NAA38: variants seen among roughly 807,000 people sequenced by gnomAD.
The protein encoded by NAA38 is LSM domain containing 1.
In NAA38, 15 loss-of-function variants were observed where a neutral mutation model predicts 12.6. The ratio of observed to expected loss-of-function variants is 1.19; its 90% confidence interval spans 0.79 to 1.83. The LOEUF (loss-of-function observed/expected upper bound fraction) is 1.83. Among genes scored for constraint, NAA38 ranks in the 40% most tolerant of loss-of-function variants. The pLI is 0.00. For synonymous variants in NAA38, 88 were observed against 69.9 expected (o/e 1.26, Z -1.29); for missense variants, 183 against 171.7 (o/e 1.07, Z -0.37).
chr17:7,858,977 T>A (rs973170029), upstream of NAA38: 2 of 679,212 alleles, frequency 2.9e-6, no homozygotes, highest in Non-Finnish European at 4.7e-6. Context: ...AGCACCTAGG[T>A]CCCCAGGGTT....
chr17:7,858,384 C>T (rs768747948), upstream of NAA38: 4 of 1,614,004 alleles, frequency 2.5e-6, no homozygotes, highest in African/African-American at 4.0e-5. Context: ...TTGACAGTGG[C>T]TGTGCTGCTC....
intron 1 of NAA38, 29 bp downstream of exon 1, chr17:7,857,354 T>G (rs758348418): frequency 1.1e-5 from 18 of 1,612,708 alleles, no homozygotes; most frequent in Admixed American, 5.0e-5. Context: ...TGACTGCCCC[T>G]CAGTCCCAGA....
upstream of NAA38, chr17:7,857,646 C>T (rs1465807443): frequency 2.2e-6 from 3 of 1,347,270 alleles, no homozygotes; most frequent in East Asian, 8.4e-5. Flanking sequence ...CGCTGTGGCT[C>T]ACTGAAGCGT....
At chr17:7,856,893 C>T (rs1443348554) in intron 2 of NAA38, 50 bp from the exon 3 acceptor site, 1 of 1,597,764 alleles carries the variant, frequency 6.3e-7, no homozygotes, top group African/African-American at 1.3e-5. Flanking sequence ...ATCAGTCCCG[C>T]CCCTCTGAGC....
upstream of NAA38, chr17:7,859,652 C>T (rs371586358): frequency 6.3e-6 from 10 of 1,597,272 alleles, no homozygotes; most frequent in Middle Eastern, 1.7e-4. Context: ...AGACGTATTT[C>T]GAGTTTGGCT....
intron 2 of NAA38, among the ~76,000 whole-genome samples, chr17:7,880,309 G>A (rs1967249937): frequency 6.6e-6 from 1 of 151,762 alleles, no homozygotes; most frequent in East Asian, 1.9e-4. Context: ...GAGGGAAAGA[G>A]GGAAAGAGTG....
intron 2 of NAA38, among the ~76,000 whole-genome samples, chr17:7,869,427 G>C (rs894776159): frequency 6.6e-6 from 1 of 152,094 alleles, no homozygotes; most frequent in African/African-American, 2.4e-5. Context: ...AGAATAAGTT[G>C]ATTTTTAATG....
chr17:7,881,309 A>T (rs1439584252), intron 2 of NAA38, among the ~76,000 whole-genome samples: 1 of 152,144 alleles, frequency 6.6e-6, no homozygotes, highest in Non-Finnish European at 1.5e-5. Context: ...AAGCAAGAAG[A>T]GACGTGGACA....
chr17:7,859,677 A>C (rs2078868778), upstream of NAA38: 6 of 1,511,150 alleles, frequency 4.0e-6, no homozygotes, highest in Admixed American at 5.0e-5. Context: ...CTGTGCCTTG[A>C]GGAAAAGTGG....
chr17:7,876,486 T>C (rs911204274), intron 2 of NAA38, among the ~76,000 whole-genome samples: 1 of 152,144 alleles, frequency 6.6e-6, no homozygotes, highest in African/African-American at 2.4e-5. Flanking sequence ...GTCTACATAC[T>C]ACCTACTAAA....
chr17:7,876,285 TC>T (rs1262241264), intron 2 of NAA38, among the ~76,000 whole-genome samples: 1 of 152,150 alleles, frequency 6.6e-6, no homozygotes, highest in Non-Finnish European at 1.5e-5. Context: ...GTCTGCCTAC[TC>T]TACCATAACA....
chr17:7,880,523 A>C (rs1265980525), intron 2 of NAA38, among the ~76,000 whole-genome samples: 1 of 152,184 alleles, frequency 6.6e-6, no homozygotes, highest in Non-Finnish European at 1.5e-5. Context: ...AGAAGGCTTT[A>C]ATCAGGAGAA....
In NAA38 at chr17:7,857,095, G is replaced by A; in HGVS notation, c.185C>T (p.Thr62Ile). The change falls in exon 2 of 3, where the codon ACA becomes ATA. Residue 62 changes from threonine (T) to isoleucine (I), a missense_variant. Coordinates refer to ENST00000575771, the MANE Select transcript of NAA38 (RefSeq NM_001320925.4). ...AGTGCAGAGGAAGCAGCCGACCAGTGTCCGTCCATCTGTCATGCGAATGCG... is the reference window on the plus strand; with the variant it reads ...AGTGCAGAGGAAGCAGCCGACCAGTATCCGTCCATCTGTCATGCGAATGCG... ...TMRIRMTDGR[T>I]LVGCFLCTDR... is the part of the protein sequence containing the mutation. 1 of 1,613,540 alleles carries A rather than the reference G, an allele frequency of 6.2e-7. No individual in the cohort carries two copies. The highest frequency in any genetic ancestry group is 2.2e-5 in the East Asian group (1 of 44,862).
chr17:7,859,170 C>T (rs2078862748), upstream of NAA38: 3 of 603,566 alleles, frequency 5.0e-6, no homozygotes, highest in Non-Finnish European at 8.8e-6. Flanking sequence ...ACAGTTGACC[C>T]TTTATGGCCA....
Position 7,868,324 on chromosome 17 carries a change from A to T in NAA38, c.-65-1766T>A, listed in dbSNP as rs567869819. Among the ~76,000 whole-genome samples the T allele has an allele frequency of 1.4e-4, 21 of 152,314 alleles. 1 individual carries two copies. The Middle Eastern group carries it at 0.017, about 123-fold the overall frequency. ...TGCTGCACAGAGGTCACGTAAGATG[A>T]AGACCTGAGCGACCATGGATTCAGC... On this transcript the variant is annotated intron_variant, in intron 2 of 4. Transcript: ENST00000576861.
upstream of NAA38, chr17:7,858,069 G>A: frequency 1.3e-6 from 2 of 1,597,196 alleles, no homozygotes; most frequent in African/African-American, 1.3e-5. Flanking sequence ...GGTCGTAGTA[G>A]TAGTGAGTAC....
At chr17:7,870,888 CA>C (rs34959751) in intron 2 of NAA38, among the ~76,000 whole-genome samples, 41,262 of 122,732 alleles carry the variant, frequency 0.34, 6,619 homozygotes, top group African/African-American at 0.48. Context: ...GACTCCACCT[CA>C]AAAAAAAAAA....
At chr17:7,860,147 C>CTT (rs57736014), upstream of NAA38, 7 of 147,266 alleles carry the variant, frequency 4.8e-5, no homozygotes, top group Non-Finnish European at 7.5e-5. Context: ...CATATACCCT[C>CTT]TTTTTTTTTT....
intron 2 of NAA38, among the ~76,000 whole-genome samples, chr17:7,872,602 C>A (rs1597881036): frequency 6.6e-6 from 1 of 152,206 alleles, no homozygotes; most frequent in South Asian, 2.1e-4. Flanking sequence ...ACCTTGTGAT[C>A]CGCCCACCTC....
Sources: allele counts gnomAD v4.1 joint callset (sites outside exome capture counted in the v4.1 genomes callset), GRCh38; gene constraint gnomAD v4.1.1; transcripts MANE v1.5; gene names NCBI Gene and HGNC (gene_info 2026-07-23, HGNC 2026-07-21).